GARRE1: variants seen among roughly 807,000 people sequenced by gnomAD.
The protein encoded by GARRE1 is granule associated Rac and RHOG effector protein 1.
Under a neutral mutation model 103.2 loss-of-function variants are expected in GARRE1, and 49 were observed. That is an observed-to-expected ratio of 0.47 (90% CI 0.38 to 0.60). The LOEUF (loss-of-function observed/expected upper bound fraction) is 0.60, where lower values mean the gene tolerates loss of function less well. GARRE1 is among the 20% of genes least tolerant of loss of function. The pLI is 0.00. For missense variants in GARRE1, 1,199 were observed against 1,370.5 expected (o/e 0.87, Z 1.98); for synonymous variants, 505 against 532.8 (o/e 0.95, Z 0.72).
At chr19:34,301,037 A>G in intron 2 of GARRE1, 69 bp downstream of exon 2, 1 of 1,486,800 alleles carries the variant, frequency 6.7e-7, no homozygotes, top group South Asian at 1.3e-5. Context: ...ATATTGTCTT[A>G]AGTTTTTTTC....
At chr19:34,273,631 A>G (rs552953293) in intron 1 of GARRE1, among the ~76,000 whole-genome samples, 1 of 152,292 alleles carries the variant, frequency 6.6e-6, no homozygotes, top group African/African-American at 2.4e-5. Context: ...ACACAGAGCA[A>G]ACCGGCAGTT....
chr19:34,268,874 T>C (rs1228947579), intron 1 of GARRE1, among the ~76,000 whole-genome samples: 1 of 152,176 alleles, frequency 6.6e-6, no homozygotes, highest in African/African-American at 2.4e-5. Flanking sequence ...ATTAACGTAG[T>C]GACTGTTTAA....
intron 1 of GARRE1, among the ~76,000 whole-genome samples, chr19:34,290,558 C>T (rs2073912040): frequency 6.6e-6 from 1 of 151,498 alleles, no homozygotes; most frequent in Admixed American, 6.6e-5. Flanking sequence ...AGTACAAGGG[C>T]ACAATTACAG....
intron 1 of GARRE1, among the ~76,000 whole-genome samples, chr19:34,288,483 G>C (rs546512204): frequency 1.3e-5 from 2 of 152,276 alleles, no homozygotes; most frequent in South Asian, 4.2e-4. Flanking sequence ...AATTGCTTTC[G>C]TCTGGGCAGA....
At chr19:34,320,839 G>A (rs2074084069) in intron 3 of GARRE1, among the ~76,000 whole-genome samples, 1 of 150,138 alleles carries the variant, frequency 6.7e-6, no homozygotes, top group South Asian at 2.1e-4. Context: ...TCCCACCTCA[G>A]CCTCTTCCAA....
At position 34,352,989 on chromosome 19, in the gene GARRE1, T is replaced by TGCCC. The variant is rs750990856; in HGVS notation, c.*39_*42dup. The TGCCC allele has an allele frequency of 4.7e-6, 6 of 1,268,152 alleles. No homozygotes were observed. The highest frequency in any genetic ancestry group is 2.3e-5 in the Admixed American group (1 of 43,172). The allele number at this position is 1,268,152 out of a possible 1,614,324, so 78.6% of individuals were successfully genotyped here. On this transcript the variant is annotated 3_prime_UTR_variant, in exon 14 of 14. Coordinates refer to ENST00000299505, the MANE Select transcript of GARRE1 (RefSeq NM_014686.5). ...CAGCCAGCCTGCCTGCCTGCCTGCC[T>TGCCC]GCCCGCCCAGAGCTGTGGGGATGAG...
intron 13 of GARRE1, among the ~76,000 whole-genome samples, chr19:34,351,849 C>T (rs1302166845): frequency 6.6e-6 from 1 of 152,182 alleles, no homozygotes; most frequent in Non-Finnish European, 1.5e-5. Context: ...GCCTGTAATC[C>T]CAGTGCTTTG....
At chr19:34,265,920 C>T (rs1050202814) in intron 1 of GARRE1, among the ~76,000 whole-genome samples, 1 of 152,232 alleles carries the variant, frequency 6.6e-6, no homozygotes, top group African/African-American at 2.4e-5. Flanking sequence ...CAGGAATTCA[C>T]ATCTAGATCA....
chr19:34,290,966 G>C (rs557243070), intron 1 of GARRE1, among the ~76,000 whole-genome samples: 53 of 118,068 alleles, frequency 4.5e-4, no homozygotes, highest in Non-Finnish European at 7.9e-4. Flanking sequence ...GAGTGTAGTG[G>C]TGTGATCTTG....
intron 10 of GARRE1, among the ~76,000 whole-genome samples, chr19:34,345,550 T>C (rs537126474): frequency 3.3e-5 from 5 of 152,222 alleles, no homozygotes; most frequent in South Asian, 2.1e-4. Flanking sequence ...CCGGGTGCAG[T>C]GGCTCATGCC....
In GARRE1 at chr19:34,318,871, G is replaced by A. The variant is rs554953264; in HGVS notation, c.496-1036G>A. ...AGCCTGGCCAACATGGTGAAACCCC[G>A]TCTCCACTAAAAATACAAAAATTAG... On this transcript the variant is annotated intron_variant, in intron 2 of 13. Transcript: ENST00000299505. Among the ~76,000 whole-genome samples, 6 of 152,124 alleles carry A rather than the reference G, an allele frequency of 3.9e-5. No individual in the cohort carries two copies. The South Asian group carries it at 6.2e-4, about 16-fold the overall frequency.
chr19:34,342,540 T>C (rs941724868), intron 10 of GARRE1, 85 bp downstream of exon 10: 1 of 1,248,334 alleles, frequency 8.0e-7, no homozygotes, highest in Admixed American at 2.1e-5. Flanking sequence ...GCTGCAGCCT[T>C]ACTTGTGAAG....
intron 2 of GARRE1, among the ~76,000 whole-genome samples, chr19:34,304,374 A>ATTTTTT (rs1227745814): frequency 8.8e-6 from 1 of 113,690 alleles, no homozygotes. Context: ...CATCTTTGTA[A>ATTTTTT]TTTTTTTTTT....
intron 3 of GARRE1, among the ~76,000 whole-genome samples, chr19:34,323,900 G>A (rs924711384): frequency 1.3e-5 from 2 of 152,098 alleles, no homozygotes; most frequent in African/African-American, 4.8e-5. Context: ...TTTGCTTTCA[G>A]CCAGTGATGC....
At chr19:34,320,157 A>G (rs532996602) in intron 3 of GARRE1, 41 bp downstream of exon 3, 105 of 1,562,394 alleles carry the variant, frequency 6.7e-5, no homozygotes, top group Admixed American at 1.7e-4. Flanking sequence ...GTGTTCAAAT[A>G]GGAGAGGCTC....
intron 1 of GARRE1, among the ~76,000 whole-genome samples, chr19:34,283,443 T>A (rs533977651): frequency 6.6e-6 from 1 of 152,358 alleles, no homozygotes; most frequent in Admixed American, 6.5e-5. Flanking sequence ...CTGCTTCCTT[T>A]GCTTGCTTTG....
At chr19:34,260,931 A>G (rs190061852) in intron 1 of GARRE1, among the ~76,000 whole-genome samples, 1 of 152,256 alleles carries the variant, frequency 6.6e-6, no homozygotes, top group Non-Finnish European at 1.5e-5. Context: ...AGTGTCTGGA[A>G]ATTGGGGTGG....
At chr19:34,340,018 T>A (rs1814195472) in intron 9 of GARRE1, 26 bp downstream of exon 9, 2 of 1,613,608 alleles carry the variant, frequency 1.2e-6, no homozygotes, top group African/African-American at 2.7e-5. Context: ...TTGCATTAGA[T>A]GCATACCGAG....
chr19:34,275,168 G>GTTT (rs35938669), intron 1 of GARRE1, among the ~76,000 whole-genome samples: 4 of 144,900 alleles, frequency 2.8e-5, no homozygotes, highest in Admixed American at 2.1e-4. Context: ...CATTTTCTGT[G>GTTT]TTTTTTTTTT....
Sources: allele counts gnomAD v4.1 joint callset (sites outside exome capture counted in the v4.1 genomes callset), GRCh38; gene constraint gnomAD v4.1.1; transcripts MANE v1.5; gene names NCBI Gene and HGNC (gene_info 2026-07-23, HGNC 2026-07-21).